Variants in TJP2 observed in about 807,000 individuals in gnomAD.
TJP2 encodes the protein tight junction protein 2, also known as Friedreich ataxia region gene X104 (tight junction protein ZO-2).
In TJP2, 91 loss-of-function variants were observed where a neutral mutation model predicts 133.1. The ratio of observed to expected loss-of-function variants is 0.68; its 90% CI spans 0.58 to 0.81. The LOEUF (loss-of-function observed/expected upper bound fraction) is 0.81, where lower values mean the gene tolerates loss of function less well. Ranked by LOEUF, TJP2 falls within the 40% of genes least tolerant of loss-of-function variation. The pLI is 0.00. For missense variants in TJP2, 1,541 were observed against 1,565.6 expected (o/e 0.98, Z 0.26); for synonymous variants, 592 against 583.4 (o/e 1.01, Z -0.21).
At chr9:69,206,766 A>G (rs1827450658) in intron 1 of TJP2, among the ~76,000 whole-genome samples, 1 of 151,756 alleles carries the variant, frequency 6.6e-6, no homozygotes, top group Non-Finnish European at 1.5e-5. Flanking sequence ...TTTAGTAGAG[A>G]TGGGGTTTAA....
In TJP2 at chr9:69,228,721, C is replaced by G. The variant is rs190138261; in HGVS notation, c.1454-463C>G. On this transcript the variant is annotated intron_variant, in intron 9 of 22. Transcript: ENST00000377245. ...CTTCCTTTCTCTCTTTTGACGTTGA[C>G]AAAATATAAAATAATAGCCTTGTCT... 1.5e-3 allele frequency among the ~76,000 whole-genome samples: 229 copies of G among 152,172 alleles called. 1 individual carries two copies. Among genetic ancestry groups the G allele is most frequent in the African/African-American group, 5.2e-3 (216 of 41,502 alleles).
rs139867659 is a variant in TJP2, at chr9:69,239,965, C to A, written c.2384C>A (p.Pro795Gln). The A allele has an allele frequency of 2.5e-6, 4 of 1,614,002 alleles. No individual in the cohort carries two copies. The highest frequency in any genetic ancestry group is 3.4e-6 in the Non-Finnish European group (4 of 1,180,044). Residue 795 changes from proline to glutamine, a missense_variant, in exon 17 of 23, where the codon CCG becomes CAG. Transcript: ENST00000377245. ...AAGCATGCACTACTGGATGTGACTC[C>A]GAAAGCTGTGGACCTGTTGAATTAC... ...QDKHALLDVT[P>Q]KAVDLLNYTQ...
chr9:69,135,699 G>A (rs1189894003), intron 1 of TJP2, among the ~76,000 whole-genome samples: 3 of 151,874 alleles, frequency 2.0e-5, no homozygotes, highest in South Asian at 4.2e-4. Flanking sequence ...TCCACCTCCC[G>A]GGTTCAAGCA....
chr9:69,221,389 C>CCCGAAG lies in TJP2; in HGVS notation c.849_854dup (p.Ser286_Arg287dup), dbSNP rs1828838571. 6.3e-7 allele frequency: 1 copy of CCCGAAG among 1,581,196 alleles called. No homozygotes were observed. Among genetic ancestry groups the CCCGAAG allele is most frequent in the African/African-American group, 1.3e-5 (1 of 74,238 alleles). On this transcript the variant is annotated inframe_insertion, in exon 5 of 23. Coordinates refer to ENST00000377245, the MANE Select transcript of TJP2 (RefSeq NM_004817.4). ...CGCCACGATGCCCGCTCTCGGGGAC[C>CCCGAAG]CCGAAGCCGCAGCCGCGAGCACCCG...
rs116156395 is a variant in TJP2, at chr9:69,165,433, G to A, written c.-10+13662G>A. ...GATTACAGGTGTGGCCACCATGCCC[G>A]GTGGGTTTGGATTCCATCTGCTTGA... On this transcript the variant is annotated intron_variant, in intron 2 of 5. Transcript: ENST00000423935. Among the ~76,000 whole-genome samples, 986 of 152,202 alleles carry A rather than the reference G, an allele frequency of 6.5e-3. 16 individuals carry two copies. Among genetic ancestry groups the A allele is most frequent in the African/African-American group, 0.019 (789 of 41,532 alleles).
At chr9:69,224,482 A>G (rs1236409999) in intron 5 of TJP2, among the ~76,000 whole-genome samples, 2 of 152,144 alleles carry the variant, frequency 1.3e-5, no homozygotes, top group East Asian at 3.9e-4. Flanking sequence ...GTTCGAGACT[A>G]GCCTGGCCTA....
intron 2 of TJP2, among the ~76,000 whole-genome samples, chr9:69,153,752 C>T (rs1823602567): frequency 6.6e-6 from 1 of 152,172 alleles, no homozygotes; most frequent in South Asian, 2.1e-4. Flanking sequence ...CTGATAAATA[C>T]CTCCCTTGTT....
rs147733009 is a variant in TJP2 at position 69,250,458 on chromosome 9, AAGT to A, written c.2992-572_2992-570del. Among the ~76,000 whole-genome samples, 957 of 152,326 alleles carry A rather than the reference AAGT, an allele frequency of 6.3e-3. 5 individuals carry two copies. The highest frequency in any genetic ancestry group is 0.012 in the Non-Finnish European group (815 of 68,030). ...CATAATTGATTGTGTGAGCCATCAG[AAGT>A]AGTAAATGTGATAGGTACTAAGTAA... is the stretch of plus-strand genomic sequence containing the variant. On this transcript the variant is annotated intron_variant, in intron 20 of 22. Transcript: ENST00000377245.
Position 69,225,480 on chromosome 9 carries a change from C to A in TJP2, c.1056+73C>A, listed in dbSNP as rs17062682. On this transcript the variant is annotated intron_variant, in intron 6 of 22. Transcript: ENST00000377245. ...CGCCTGCATGTCCACATTCAGCACC[C>A]ACACAGTGAGACTTAGATCCAGTGA... 154,273 of 972,944 alleles carry A rather than the reference C, an allele frequency of 0.16. 13,396 individuals are homozygous for A. The highest frequency in any genetic ancestry group is 0.27 in the African/African-American group (16,999 of 62,514). 60.3% of individuals were successfully genotyped at this position (972,944 alleles called of 1,614,324 possible).
chr9:69,167,397 T>G (rs1011756918), intron 2 of TJP2, among the ~76,000 whole-genome samples: 5 of 152,206 alleles, frequency 3.3e-5, no homozygotes, highest in African/African-American at 1.2e-4. Context: ...GACTTTAGTT[T>G]TTAAATTTCT....
At chr9:69,137,931 C>T (rs1012969396) in intron 1 of TJP2, among the ~76,000 whole-genome samples, 1 of 152,160 alleles carries the variant, frequency 6.6e-6, no homozygotes, top group African/African-American at 2.4e-5. Context: ...TCTTAAGATG[C>T]CCCTTTGGGT....
At chr9:69,153,292 GTT>G (rs1179182152) in intron 2 of TJP2, among the ~76,000 whole-genome samples, 2 of 152,014 alleles carry the variant, frequency 1.3e-5, no homozygotes, top group African/African-American at 2.4e-5. Flanking sequence ...TCCAGAAATT[GTT>G]TTCCTTGTCT....
chr9:69,195,305 T>C (rs540781645), intron 1 of TJP2, among the ~76,000 whole-genome samples: 112 of 152,324 alleles, frequency 7.4e-4, no homozygotes, highest in African/African-American at 2.6e-3. Context: ...AGCACCTTCC[T>C]TTTGGCTTAT....
chr9:69,154,970 C>G (rs1459454001), intron 2 of TJP2, among the ~76,000 whole-genome samples: 1 of 151,850 alleles, frequency 6.6e-6, no homozygotes, highest in African/African-American at 2.4e-5. Flanking sequence ...GTAATCCTAG[C>G]ACTTTGGGAG....
intron 1 of TJP2, among the ~76,000 whole-genome samples, chr9:69,197,700 T>A (rs1826686561): frequency 6.6e-6 from 1 of 151,530 alleles, no homozygotes; most frequent in Non-Finnish European, 1.5e-5. Context: ...GTTCTCAGAA[T>A]TCTAATAGGG....
At chr9:69,215,883 C>T (rs1293789280) in intron 2 of TJP2, among the ~76,000 whole-genome samples, 3 of 152,070 alleles carry the variant, frequency 2.0e-5, no homozygotes, top group Admixed American at 1.3e-4. Flanking sequence ...AGCCTAGCAA[C>T]AGATCAAAAC....
Position 69,141,467 on chromosome 9 carries a change from C to T in TJP2, c.-130-10184C>T, listed in dbSNP as rs189230636. Among the ~76,000 whole-genome samples the T allele has an allele frequency of 3.0e-3, 406 of 135,976 alleles. 12 individuals carry two copies. The highest frequency in any genetic ancestry group is 0.027 in the Admixed American group (369 of 13,660). The allele number at this position is 135,976 out of a possible 152,430, so 89.2% of individuals were successfully genotyped here. On this transcript the variant is annotated intron_variant, in intron 1 of 5. Transcript: ENST00000423935. Reference sequence around the variant, plus strand: ...CCCTCCAGCCAGCCTGTCTTTCAGTCTCACTGTTTTTCCCACAAGGACCAC... The same window carrying T: ...CCCTCCAGCCAGCCTGTCTTTCAGTTTCACTGTTTTTCCCACAAGGACCAC...
At chr9:69,137,055 A>T (rs960284621) in intron 1 of TJP2, among the ~76,000 whole-genome samples, 3 of 152,116 alleles carry the variant, frequency 2.0e-5, no homozygotes, top group Admixed American at 6.5e-5. Flanking sequence ...GAGCTGTGCG[A>T]TCCAGGCCAG....
chr9:69,254,114 G>T, intron 22 of TJP2, 95 bp from the exon 23 acceptor site: 1 of 1,411,180 alleles, frequency 7.1e-7, no homozygotes, highest in Non-Finnish European at 1.0e-6. Flanking sequence ...GATCTGCTCG[G>T]GATACCCAGT....
Sources: allele counts gnomAD v4.1 joint callset (sites outside exome capture counted in the v4.1 genomes callset), GRCh38; gene constraint gnomAD v4.1.1; transcripts MANE v1.5; gene names NCBI Gene and HGNC (gene_info 2026-07-23, HGNC 2026-07-21).